Variants in NCOA4 observed in about 807,000 individuals in gnomAD.
NCOA4 encodes the protein 70 kDa AR-activator.
Under a neutral mutation model 69.5 loss-of-function variants are expected in NCOA4, and 31 were observed. That is an observed-to-expected ratio of 0.45 (90% CI 0.34 to 0.60). The LOEUF is 0.60. Ranked by LOEUF, NCOA4 falls within the 20% of genes least tolerant of loss-of-function variation. The probability of loss-of-function intolerance (pLI) is 0.02; values close to 1 mark genes in which losing one functional copy is unlikely to be tolerated. For missense variants in NCOA4, 600 were observed against 719.2 expected, an observed-to-expected ratio of 0.83 and a Z score of 1.90; for synonymous variants, 228 against 252.4, an observed-to-expected ratio of 0.90 and a Z score of 0.92.
chr10:46,027,284 A>AAAAG, intron 1 of NCOA4: 1 of 753,672 alleles, frequency 1.3e-6, no homozygotes, highest in Non-Finnish European at 2.0e-6. Context: ...AAAAAAAAAA[A>AAAAG]AAAAGAATGA....
chr10:46,017,128 C>T (rs529031540), intron 1 of NCOA4, among the ~76,000 whole-genome samples: 17 of 152,148 alleles, frequency 1.1e-4, no homozygotes, highest in Non-Finnish European at 2.2e-4. Context: ...AAATAAGCTG[C>T]AAACAATCAA....
At chr10:46,022,446 T>C in intron 1 of NCOA4, 1 of 466,468 alleles carries the variant, frequency 2.1e-6, no homozygotes, top group South Asian at 1.6e-5. Flanking sequence ...TCTTCCGTCT[T>C]TTTTTTAAAG....
Position 46,012,070 on chromosome 10 carries a change from G to GAAAAAAAAAAAAAAAAA in NCOA4, c.714+796_714+812dup, listed in dbSNP as rs71026286. The stretch of plus-strand genomic sequence containing the variant: ...AGCAAGACTCGGTCTCAAAAAGAAA[G>GAAAAAAAAAAAAAAAAA]AAAAAAAAAAAAAAAAAAAAAAAAA... On this transcript the variant is annotated intron_variant, in intron 7 of 9. Transcript: ENST00000581486. Among the ~76,000 whole-genome samples the GAAAAAAAAAAAAAAAAA allele has an allele frequency of 2.8e-3, 125 of 44,532 alleles. 13 individuals are homozygous for GAAAAAAAAAAAAAAAAA. The highest frequency in any genetic ancestry group is 3.7e-3 in the Admixed American group (8 of 2,154). 29.2% of individuals were successfully genotyped at this position (44,532 alleles called of 152,430 possible). A position where few individuals can be genotyped will look rare whatever the true frequency, so the allele number is the denominator to read the frequency against.
Position 46,010,356 on chromosome 10 carries a change from TTC to T in NCOA4, c.1563_1564del (p.Lys522ValfsTer2), listed in dbSNP as rs782631835. On this transcript the variant is annotated frameshift_variant, in exon 8 of 10. Coordinates refer to ENST00000581486, the MANE Select transcript of NCOA4 (RefSeq NM_001145263.2). LOFTEE classifies it high-confidence loss of function. ...GGAAGTATTCATGGGGCTTTTAAACTTCTGTTTGCCAGCTCTGTCTTCAGTAC... is the reference window on the plus strand; with the variant it reads ...GGAAGTATTCATGGGGCTTTTAAACTTGTTTGCCAGCTCTGTCTTCAGTAC... 3 of 1,614,170 alleles carry T rather than the reference TTC, an allele frequency of 1.9e-6. No homozygotes were observed. Among genetic ancestry groups the T allele is most frequent in the Non-Finnish European group, 2.5e-6 (3 of 1,180,034 alleles).
chr10:46,016,347 C>G (rs1327282977), intron 2 of NCOA4, among the ~76,000 whole-genome samples, 193 bp downstream of exon 2: 1 of 152,194 alleles, frequency 6.6e-6, no homozygotes, highest in African/African-American at 2.4e-5. Context: ...TTTCCAGACT[C>G]TTCTAGCATC....
Position 46,015,189 on chromosome 10 carries a change from C to T in NCOA4, c.219G>A (p.Gln73=), listed in dbSNP as rs1386262223. 4 of 1,614,144 alleles carry T rather than the reference C, an allele frequency of 2.5e-6. No homozygotes were observed. Among genetic ancestry groups the T allele is most frequent in the Non-Finnish European group, 8.5e-7 (1 of 1,180,002 alleles). ...LRSREVWLYE[Q]VDLIYQLKEE... ...CTTTAAGCTGATAAATAAGGTCCAC[C>T]TGTTCATACAGCCATACCTCACGGC... Residue 73 remains glutamine (Q), a synonymous_variant, in exon 3 of 10, where the codon CAG becomes CAA. Coordinates refer to ENST00000581486, the MANE Select transcript of NCOA4 (RefSeq NM_001145263.2).
At chr10:46,022,607 G>A in intron 1 of NCOA4, 1 of 345,112 alleles carries the variant, frequency 2.9e-6, no homozygotes, top group Non-Finnish European at 6.0e-6. Context: ...ACTGACTACA[G>A]GCGCCCGCCG....
Position 46,012,070 on chromosome 10 carries a change from G to GAAAAAAAAAA in NCOA4, c.714+803_714+812dup, listed in dbSNP as rs71026286. 4.8e-3 allele frequency among the ~76,000 whole-genome samples: 215 copies of GAAAAAAAAAA among 44,536 alleles called. 18 individuals are homozygous for GAAAAAAAAAA. Among genetic ancestry groups the GAAAAAAAAAA allele is most frequent in the South Asian group, 8.1e-3 (8 of 992 alleles). 29.2% of individuals were successfully genotyped at this position (44,536 alleles called of 152,430 possible). A position where few individuals can be genotyped will look rare whatever the true frequency, so the allele number is the denominator to read the frequency against. ...AGCAAGACTCGGTCTCAAAAAGAAA[G>GAAAAAAAAAA]AAAAAAAAAAAAAAAAAAAAAAAAA... On this transcript the variant is annotated intron_variant, in intron 7 of 9. Transcript: ENST00000581486.
In NCOA4 at chr10:46,009,438, C is replaced by T; in HGVS notation, c.1812G>A (p.Glu604=). 1 of 1,613,170 alleles carries T rather than the reference C, an allele frequency of 6.2e-7. No homozygotes were observed. The highest frequency in any genetic ancestry group is 8.5e-7 in the Non-Finnish European group (1 of 1,179,968). Residue 604 remains glutamate (E), a synonymous_variant, in exon 9 of 10, where the codon GAG becomes GAA. Coordinates refer to ENST00000581486, the MANE Select transcript of NCOA4 (RefSeq NM_001145263.2). ...FACMQLKVDK[E]KWLYRTPLQM ...GTAGAGGAGTTCGATATAACCACTT[C>T]TCTTTATCAACTTTAAGCTGCATAC... is the stretch of plus-strand genomic sequence containing the variant.
chr10:46,028,784 G>A (rs1354131222), intron 1 of NCOA4, among the ~76,000 whole-genome samples: 4 of 151,976 alleles, frequency 2.6e-5, no homozygotes, highest in African/African-American at 9.7e-5. Flanking sequence ...CCACCTAGAG[G>A]AGAACTCGTG....
In NCOA4 at chr10:46,009,643, A is replaced by G. The variant is rs1472892642; in HGVS notation, c.1699-92T>C. ...AAATAGGGTCTACAGAGAATAATTT[A>G]AATGTTGGCCATTCTCTGTAACAAC... is the stretch of plus-strand genomic sequence containing the variant. On this transcript the variant is annotated intron_variant, in intron 8 of 9. Transcript: ENST00000581486. The G allele has an allele frequency of 4.9e-6, 6 of 1,218,306 alleles. No homozygotes were observed. In the East Asian group the frequency reaches 1.2e-4, roughly 24 times the overall value. The allele number at this position is 1,218,306 out of a possible 1,614,324, so 75.5% of individuals were successfully genotyped here.
At chr10:46,014,998 T>C (rs2132339641) in intron 3 of NCOA4, 56 bp from the exon 4 acceptor site, 1 of 1,587,616 alleles carries the variant, frequency 6.3e-7, no homozygotes, top group Admixed American at 1.7e-5. Context: ...CCAGATATAC[T>C]CAAGTTACCA....
intron 1 of NCOA4, among the ~76,000 whole-genome samples, chr10:46,023,059 T>C (rs2132373499): frequency 6.6e-6 from 1 of 152,360 alleles, no homozygotes; most frequent in South Asian, 2.1e-4. Context: ...CACATCAATT[T>C]TCTAAAGTAG....
At chr10:46,021,178 TA>T (rs1177433779) in intron 1 of NCOA4, among the ~76,000 whole-genome samples, 1 of 152,228 alleles carries the variant, frequency 6.6e-6, no homozygotes, top group Non-Finnish European at 1.5e-5. Flanking sequence ...GTAATGAAGC[TA>T]AGTCATTACT....
At chr10:46,024,210 C>T (rs1482767948) in intron 1 of NCOA4, among the ~76,000 whole-genome samples, 2 of 152,076 alleles carry the variant, frequency 1.3e-5, no homozygotes, top group East Asian at 1.9e-4. Context: ...TAATACATTT[C>T]GTAAAGACAC....
In NCOA4 at chr10:46,016,673, G is replaced by A. The variant is rs1554923345; in HGVS notation, c.8C>T (p.Thr3Ile). ...GGAGCTGCCACTCTGGTCTTGGAAG[G>A]TATTCATTCTCCTCACTGCTCCTTT... MN[T>I]FQDQSGSSSN... The change falls in exon 2 of 10, where the codon ACC (threonine) becomes ATC (isoleucine). Residue 3 changes from threonine (T) to isoleucine (I), a missense_variant. Transcript: ENST00000581486. 1.4e-6 allele frequency: 2 copies of A among 1,473,906 alleles called. No individual in the cohort carries two copies. Among genetic ancestry groups the A allele is most frequent in the African/African-American group, 1.4e-5 (1 of 71,044 alleles). 91.3% of individuals were successfully genotyped at this position (1,473,906 alleles called of 1,614,324 possible). A position where few individuals can be genotyped will look rare whatever the true frequency, so the allele number is the denominator to read the frequency against.
At position 46,010,212 on chromosome 10, in the gene NCOA4, T is replaced by G; in HGVS notation, c.1698+11A>C. 6.3e-7 allele frequency: 1 copy of G among 1,581,504 alleles called. No individual in the cohort carries two copies. Among genetic ancestry groups the G allele is most frequent in the Non-Finnish European group, 8.6e-7 (1 of 1,169,396 alleles). ...AACTCAAACCAGTGCTATTTTGATGTTTATGCTCACCTGGGCCTTCTTTCG... is the reference window on the plus strand; with the variant it reads ...AACTCAAACCAGTGCTATTTTGATGGTTATGCTCACCTGGGCCTTCTTTCG... On this transcript the variant is annotated intron_variant, in intron 8 of 9. Transcript: ENST00000581486.
chr10:46,027,936 A>G (rs1393992825), intron 1 of NCOA4, among the ~76,000 whole-genome samples: 4 of 152,214 alleles, frequency 2.6e-5, no homozygotes, highest in Non-Finnish European at 5.9e-5. Context: ...AGTATTACCT[A>G]TTTTTATTAC....
intron 1 of NCOA4, chr10:46,022,273 T>C: frequency 8.1e-6 from 3 of 369,144 alleles, no homozygotes; most frequent in South Asian, 6.7e-5. Context: ...AGGATACCTA[T>C]GTGTTCTATG....
Sources: allele counts gnomAD v4.1 joint callset (sites outside exome capture counted in the v4.1 genomes callset), GRCh38; gene constraint gnomAD v4.1.1; transcripts MANE v1.5; gene names NCBI Gene and HGNC (gene_info 2026-07-23, HGNC 2026-07-21).